The following GRM5 variants were observed in gnomAD, a reference collection of about 807,000 sequenced individuals.
The protein encoded by GRM5 is metabotropic glutamate receptor 5.
GRM5 carries 19 observed loss-of-function variants against 83.1 expected under a neutral mutation model. The ratio of observed to expected loss-of-function variants is 0.23; its 90% confidence interval spans 0.16 to 0.34. GRM5 has a LOEUF of 0.34. Among genes scored for constraint, GRM5 ranks in the 10% least tolerant of loss-of-function variants. The probability of loss-of-function intolerance (pLI) is 1.00; values close to 1 mark genes in which losing one functional copy is unlikely to be tolerated. For synonymous variants in GRM5, 675 were observed against 633.6 expected, an observed-to-expected ratio of 1.07 and a Z score of -0.98; for missense variants, 1,160 against 1,588.3, an observed-to-expected ratio of 0.73 and a Z score of 4.58.
At chr11:88,670,132 A>C (rs916264122) in intron 3 of GRM5, among the ~76,000 whole-genome samples, 1 of 152,028 alleles carries the variant, frequency 6.6e-6, no homozygotes, top group Non-Finnish European at 1.5e-5. Flanking sequence ...CAAAGGCAAC[A>C]CTGCAAAGAA....
At chr11:89,044,609 G>C (rs1445741404) in intron 2 of GRM5, among the ~76,000 whole-genome samples, 1 of 152,128 alleles carries the variant, frequency 6.6e-6, no homozygotes, top group Non-Finnish European at 1.5e-5. Context: ...TCTTTTCACA[G>C]ACCTTAATGG....
chr11:89,016,197 G>A (rs1353536876), intron 2 of GRM5, among the ~76,000 whole-genome samples: 1 of 149,096 alleles, frequency 6.7e-6, no homozygotes, highest in Non-Finnish European at 1.5e-5. Context: ...CATTATATAT[G>A]TTATGTATTA....
At chr11:88,959,822 A>G (rs1310730453) in intron 2 of GRM5, among the ~76,000 whole-genome samples, 3 of 152,232 alleles carry the variant, frequency 2.0e-5, no homozygotes, top group African/African-American at 4.8e-5. Flanking sequence ...TCACACTCCT[A>G]TCTATGTTTA....
At chr11:88,921,025 G>A (rs911786609) in intron 2 of GRM5, among the ~76,000 whole-genome samples, 1 of 151,660 alleles carries the variant, frequency 6.6e-6, no homozygotes, top group Non-Finnish European at 1.5e-5. Context: ...AGAATCTATT[G>A]TACCCTCAGT....
chr11:88,954,744 TCTGTCCTGTAATCAC>T (rs1202623377), intron 2 of GRM5, among the ~76,000 whole-genome samples: 4 of 152,182 alleles, frequency 2.6e-5, no homozygotes, highest in Non-Finnish European at 4.4e-5. Flanking sequence ...TCCCCTGTGT[TCTGTCCTGTAATCAC>T]CTGGCTGATT....
At chr11:89,024,069 A>G (rs1270993835) in intron 2 of GRM5, among the ~76,000 whole-genome samples, 1 of 151,804 alleles carries the variant, frequency 6.6e-6, no homozygotes, top group Non-Finnish European at 1.5e-5. Context: ...TACAAAAATT[A>G]GTTGGGCGTG....
intron 3 of GRM5, among the ~76,000 whole-genome samples, chr11:88,736,975 C>A (rs1941927454): frequency 6.6e-6 from 1 of 152,118 alleles, no homozygotes; most frequent in Middle Eastern, 3.4e-3. Context: ...GAAATACATG[C>A]AGTGGATAGA....
At chr11:88,912,022 G>A (rs1280399491) in intron 2 of GRM5, 2 of 469,722 alleles carry the variant, frequency 4.3e-6, no homozygotes, top group Non-Finnish European at 8.8e-6. Context: ...GGGTGTTGAT[G>A]AGAAGTCACA....
At position 88,987,151 on chromosome 11, in the gene GRM5, C is replaced by T. The variant is rs543558354; in HGVS notation, c.661+60061G>A. On this transcript the variant is annotated intron_variant, in intron 2 of 9. Transcript: ENST00000305447. ...CAGTGGGCGCAGGTCAGTGGGTGCG[C>T]GCACCGTGCACAAGCCGAAGCAGGG... Among the ~76,000 whole-genome samples the T allele has an allele frequency of 1.8e-4, 28 of 152,128 alleles. 1 individual carries two copies. The highest frequency in any genetic ancestry group is 1.2e-3 in the Admixed American group (18 of 15,296).
chr11:88,602,481 A>C (rs921140000), intron 5 of GRM5, among the ~76,000 whole-genome samples: 1 of 152,120 alleles, frequency 6.6e-6, no homozygotes, highest in Non-Finnish European at 1.5e-5. Flanking sequence ...CTCCACTTTT[A>C]ACTCTGGAAT....
Position 88,987,145 on chromosome 11 carries a change from G to T in GRM5, c.661+60067C>A, listed in dbSNP as rs1282355766. 7.2e-5 allele frequency among the ~76,000 whole-genome samples: 11 copies of T among 152,190 alleles called. No individual in the cohort carries two copies. In the South Asian group the frequency reaches 8.3e-4, roughly 11 times the overall value. On this transcript the variant is annotated intron_variant, in intron 2 of 9. Coordinates refer to ENST00000305447, the MANE Select transcript of GRM5 (RefSeq NM_001143831.3). Reference sequence around the variant, plus strand: ...GCCAGACAGTGGGCGCAGGTCAGTGGGTGCGCGCACCGTGCACAAGCCGAA... The same window carrying T: ...GCCAGACAGTGGGCGCAGGTCAGTGTGTGCGCGCACCGTGCACAAGCCGAA...
chr11:88,860,304 A>T (rs1209710747), intron 2 of GRM5, among the ~76,000 whole-genome samples: 2 of 152,112 alleles, frequency 1.3e-5, no homozygotes, highest in East Asian at 1.9e-4. Flanking sequence ...CCAGAATTCA[A>T]CTTCTTTCTG....
At chr11:88,756,943 A>G (rs550297541) in intron 3 of GRM5, among the ~76,000 whole-genome samples, 1 of 152,304 alleles carries the variant, frequency 6.6e-6, no homozygotes, top group African/African-American at 2.4e-5. Flanking sequence ...AAGCTCAATG[A>G]ACTCCAATTA....
intron 1 of GRM5, among the ~76,000 whole-genome samples, chr11:89,059,813 G>T: frequency 6.6e-6 from 1 of 151,946 alleles, no homozygotes; most frequent in East Asian, 1.9e-4. Flanking sequence ...GGATACATGT[G>T]CAGAATGTGC....
chr11:88,576,992 A>C (rs572219666), intron 7 of GRM5, among the ~76,000 whole-genome samples: 3 of 152,084 alleles, frequency 2.0e-5, no homozygotes, highest in African/African-American at 7.2e-5. Flanking sequence ...GCACTTTCCT[A>C]CTGTAGCTGG....
chr11:88,841,868 C>T (rs1049303494), intron 3 of GRM5, among the ~76,000 whole-genome samples: 66 of 152,218 alleles, frequency 4.3e-4, no homozygotes, highest in Non-Finnish European at 7.5e-4. Flanking sequence ...CACTGTAATG[C>T]ATGATTTAGT....
intron 2 of GRM5, among the ~76,000 whole-genome samples, chr11:88,988,394 T>C (rs1159426012): frequency 1.3e-5 from 2 of 151,576 alleles, no homozygotes; most frequent in Non-Finnish European, 3.0e-5. Flanking sequence ...TTGGTGTACC[T>C]GAAAGTGACG....
chr11:88,949,194 CAGGTGTTGTCCAG>C (rs1475140498), intron 2 of GRM5, among the ~76,000 whole-genome samples: 1 of 152,164 alleles, frequency 6.6e-6, no homozygotes, highest in Non-Finnish European at 1.5e-5. Flanking sequence ...GATTTTAGTC[CAGGTGTTGTCCAG>C]AGGGAGCCAA....
intron 9 of GRM5, among the ~76,000 whole-genome samples, chr11:88,523,475 A>G (rs1941760398): frequency 6.6e-6 from 1 of 152,182 alleles, no homozygotes; most frequent in African/African-American, 2.4e-5. Flanking sequence ...ATCTAAGTGG[A>G]AGGAAAATAG....
Sources: allele counts gnomAD v4.1 joint callset (sites outside exome capture counted in the v4.1 genomes callset), GRCh38; gene constraint gnomAD v4.1.1; transcripts MANE v1.5; gene names NCBI Gene and HGNC (gene_info 2026-07-23, HGNC 2026-07-21).